Variants in LRRTM4 observed in about 807,000 individuals in gnomAD.
The protein encoded by LRRTM4 is leucine-rich repeat transmembrane neuronal protein 4.
Under a neutral mutation model 47.6 loss-of-function variants are expected in LRRTM4, and 25 were observed. The observed-to-expected ratio is 0.53, with a 90% CI of 0.38 to 0.73. The LOEUF (loss-of-function observed/expected upper bound fraction) is 0.73. LRRTM4 is among the 30% of genes least tolerant of loss of function. The probability of loss-of-function intolerance (pLI) is 0.00; values close to 1 mark genes in which losing one functional copy is unlikely to be tolerated. For missense variants in LRRTM4, 638 were observed against 713.4 expected (o/e 0.89, Z 1.20); for synonymous variants, 311 against 269.5 (o/e 1.15, Z -1.51).
Position 76,834,703 on chromosome 2 carries a change from G to C in LRRTM4, c.1552-85787C>G, listed in dbSNP as rs575937020. The stretch of plus-strand genomic sequence containing the variant: ...ATTTGTGAGAATATAAAAATATCTA[G>C]TTTGTTAGCTTATACTTTTCTTGAA... On this transcript the variant is annotated intron_variant, in intron 3 of 3. Coordinates refer to ENST00000409884, the MANE Select transcript of LRRTM4 (RefSeq NM_001134745.3). Among the ~76,000 whole-genome samples the C allele has an allele frequency of 7.5e-4, 114 of 152,044 alleles. No homozygotes were observed. In the Middle Eastern group the frequency reaches 0.01, roughly 14 times the overall value.
At chr2:77,367,300 C>T (rs904549386) in intron 3 of LRRTM4, among the ~76,000 whole-genome samples, 1 of 151,356 alleles carries the variant, frequency 6.6e-6, no homozygotes, top group African/African-American at 2.4e-5. Flanking sequence ...TTTAATGTCA[C>T]TTACTAGATA....
At chr2:77,162,251 A>G (rs946946172) in intron 3 of LRRTM4, among the ~76,000 whole-genome samples, 2 of 152,168 alleles carry the variant, frequency 1.3e-5, no homozygotes, top group East Asian at 3.9e-4. Flanking sequence ...ATTAAACTGC[A>G]AGGTGGCAGC....
At chr2:77,189,837 AT>A (rs1673616886) in intron 3 of LRRTM4, among the ~76,000 whole-genome samples, 1 of 152,130 alleles carries the variant, frequency 6.6e-6, no homozygotes, top group Admixed American at 6.6e-5. Flanking sequence ...ATAACTACTT[AT>A]AACTATATAC....
At chr2:77,025,501 G>C (rs1454778735) in intron 3 of LRRTM4, among the ~76,000 whole-genome samples, 1 of 152,104 alleles carries the variant, frequency 6.6e-6, no homozygotes, top group Non-Finnish European at 1.5e-5. Flanking sequence ...AAATGGCAAA[G>C]ATTCTTATTC....
intron 3 of LRRTM4, among the ~76,000 whole-genome samples, chr2:77,426,916 T>G (rs1327956403): frequency 6.6e-6 from 1 of 151,356 alleles, no homozygotes; most frequent in African/African-American, 2.4e-5. Context: ...TATTTTCTTA[T>G]AAGGCTATGG....
intron 3 of LRRTM4, among the ~76,000 whole-genome samples, chr2:77,163,564 G>A (rs983682537): frequency 6.6e-6 from 1 of 152,098 alleles, no homozygotes; most frequent in African/African-American, 2.4e-5. Context: ...AAATGTTAAG[G>A]GCAGCCAGAG....
At chr2:77,462,322 AT>A (rs1676820449) in intron 3 of LRRTM4, among the ~76,000 whole-genome samples, 1 of 152,126 alleles carries the variant, frequency 6.6e-6, no homozygotes, top group Admixed American at 6.6e-5. Context: ...GGGAATTATT[AT>A]TGTTGCTAAC....
chr2:77,108,735 C>T (rs997324884), intron 3 of LRRTM4, among the ~76,000 whole-genome samples: 81 of 151,822 alleles, frequency 5.3e-4, no homozygotes, highest in Non-Finnish European at 9.0e-4. Flanking sequence ...AGGCGCCCGC[C>T]ACCACGCCCG....
chr2:76,751,877 T>C (rs1432773924), intron 3 of LRRTM4, among the ~76,000 whole-genome samples: 2 of 152,184 alleles, frequency 1.3e-5, no homozygotes, highest in Admixed American at 6.5e-5. Flanking sequence ...ATTCGTACTC[T>C]CTTGTTAACT....
chr2:77,128,230 TACAGATGAC>T (rs1671704115), intron 3 of LRRTM4, among the ~76,000 whole-genome samples: 1 of 151,914 alleles, frequency 6.6e-6, no homozygotes. Context: ...TTTGGGATAA[TACAGATGAC>T]GTAAGGGAAA....
In LRRTM4 at chr2:77,115,473, A is replaced by G. The variant is rs567618456; in HGVS notation, c.1552-366557T>C. Among the ~76,000 whole-genome samples the G allele has an allele frequency of 1.3e-4, 20 of 152,336 alleles. No individual in the cohort carries two copies. The South Asian group carries it at 3.1e-3, about 24-fold the overall frequency. ...ACAGGATTAAGAGATTAAAGTAAAG[A>G]CAGGCCTAAGAAATTATAAAAGTAT... On this transcript the variant is annotated intron_variant, in intron 3 of 3. Transcript: ENST00000409884.
At chr2:77,289,553 A>AT (rs1460254125) in intron 3 of LRRTM4, among the ~76,000 whole-genome samples, 1 of 152,176 alleles carries the variant, frequency 6.6e-6, no homozygotes, top group African/African-American at 2.4e-5. Flanking sequence ...CATGCCAATA[A>AT]TAACACAGGC....
chr2:76,934,935 G>C (rs188418419), intron 3 of LRRTM4, among the ~76,000 whole-genome samples: 1 of 151,202 alleles, frequency 6.6e-6, no homozygotes, highest in African/African-American at 2.4e-5. Flanking sequence ...AGTACTTAGA[G>C]GATTTTCTTT....
intron 3 of LRRTM4, among the ~76,000 whole-genome samples, chr2:77,240,577 C>A (rs1675231142): frequency 6.6e-6 from 1 of 151,626 alleles, no homozygotes; most frequent in South Asian, 2.1e-4. Context: ...TTCTTTCCAG[C>A]ATAATAAGAC....
intron 3 of LRRTM4, among the ~76,000 whole-genome samples, chr2:77,412,234 C>A (rs1674471234): frequency 1.3e-5 from 2 of 152,112 alleles, no homozygotes; most frequent in Non-Finnish European, 2.9e-5. Context: ...AATTTAGGGG[C>A]AGCATTTTAG....
intron 3 of LRRTM4, among the ~76,000 whole-genome samples, chr2:77,179,779 G>T (rs1280352034): frequency 1.3e-5 from 2 of 152,080 alleles, no homozygotes; most frequent in Non-Finnish European, 2.9e-5. Context: ...CCAGGATGCA[G>T]GTCTTAATAT....
chr2:76,907,300 C>G lies in LRRTM4; in HGVS notation c.1552-158384G>C, dbSNP rs1030626076. Among the ~76,000 whole-genome samples the G allele has an allele frequency of 1.7e-4, 26 of 149,960 alleles. 1 individual carries two copies. The highest frequency in any genetic ancestry group is 4.7e-4 in the Admixed American group (7 of 14,978). ...AAGATGTTCTTTGAAACCACGAGAA[C>G]AAAGACACAACATACCAGAATCTCT... On this transcript the variant is annotated intron_variant, in intron 3 of 3. Coordinates refer to ENST00000409884, the MANE Select transcript of LRRTM4 (RefSeq NM_001134745.3).
At chr2:77,268,210 C>T (rs1376775535) in intron 3 of LRRTM4, among the ~76,000 whole-genome samples, 1 of 152,088 alleles carries the variant, frequency 6.6e-6, no homozygotes, top group Non-Finnish European at 1.5e-5. Context: ...TAGACATGTG[C>T]AGTAAAAAAA....
chr2:76,917,116 T>C (rs79864562), intron 3 of LRRTM4, among the ~76,000 whole-genome samples: 2,008 of 152,298 alleles, frequency 0.013, 42 homozygotes, highest in African/African-American at 0.045. Flanking sequence ...GTTTTAGACA[T>C]TGTGAATTGT....
Sources: gnomAD v4.1 joint callset for allele counts (sites outside exome capture counted in the v4.1 genomes callset) on GRCh38, gnomAD v4.1.1 for gene constraint, MANE v1.5 for transcripts, NCBI Gene and HGNC (gene_info 2026-07-23, HGNC 2026-07-21) for gene names.